NLGN4Y: variants seen among roughly 807,000 people sequenced by gnomAD.
NLGN4Y encodes neuroligin-4, Y-linked.
NLGN4Y carries 4 observed loss-of-function variants against 8.4 expected under a neutral mutation model. That is an observed-to-expected ratio of 0.48 (90% confidence interval 0.23 to 1.09). The LOEUF is 1.09. Among genes scored for constraint, NLGN4Y ranks in the 50% least tolerant of loss-of-function variants. The pLI, the probability that NLGN4Y is intolerant of heterozygous loss-of-function variation, is 0.19. For synonymous variants in NLGN4Y, 35 were observed against 75.6 expected (o/e 0.46, Z 2.78); for missense variants, 90 against 192.3 (o/e 0.47, Z 3.15).
intron 2 of NLGN4Y, among the ~76,000 whole-genome samples, chrY:14,646,410 G>T (rs1012229357): frequency 2.9e-5 from 1 of 33,911 alleles, no homozygotes; most frequent in Non-Finnish European, 7.3e-5. Context: ...GAGCAGCAAT[G>T]CTGGACTAGG....
chrY:14,562,679 C>A, intron 1 of NLGN4Y, among the ~76,000 whole-genome samples: 3 of 33,699 alleles, frequency 8.9e-5, no homozygotes, highest in Admixed American at 5.5e-4. Flanking sequence ...TATCCTTTAG[C>A]ATGGAATGCT....
intron 4 of NLGN4Y, among the ~76,000 whole-genome samples, chrY:14,762,161 A>T: frequency 9.0e-5 from 3 of 33,475 alleles, no homozygotes; most frequent in African/African-American, 3.5e-4. Context: ...GTCTCCAAAA[A>T]TAAAAAATAA....
At chrY:14,652,555 G>GA (rs2080633113) in intron 2 of NLGN4Y, among the ~76,000 whole-genome samples, 1 of 32,622 alleles carries the variant, frequency 3.1e-5, no homozygotes, top group African/African-American at 1.2e-4. Context: ...TTCCTTTAAA[G>GA]ACTATTTGTT....
chrY:14,768,611 T>C (rs2081098673), intron 4 of NLGN4Y, among the ~76,000 whole-genome samples: 1 of 32,865 alleles, frequency 3.0e-5, no homozygotes, highest in African/African-American at 1.2e-4. Flanking sequence ...AAAAGCCGTA[T>C]AGCCCATGGT....
chrY:14,549,633 G>A (rs2080184805), intron 1 of NLGN4Y, among the ~76,000 whole-genome samples: 1 of 32,999 alleles, frequency 3.0e-5, no homozygotes. Context: ...CATTACTGAG[G>A]GCTAAAATGC....
chrY:14,776,486 A>G (rs942999293), intron 4 of NLGN4Y, among the ~76,000 whole-genome samples: 2 of 31,068 alleles, frequency 6.4e-5, no homozygotes, highest in East Asian at 1.6e-3. Context: ...AGAACATTTT[A>G]TTCATATTCC....
At chrY:14,679,011 T>A (rs2080759499) in intron 2 of NLGN4Y, among the ~76,000 whole-genome samples, 1 of 31,609 alleles carries the variant, frequency 3.2e-5, no homozygotes, top group African/African-American at 1.2e-4. Context: ...AGACAAGATC[T>A]CACTCTGTTG....
chrY:14,663,733 C>T (rs749471061), intron 2 of NLGN4Y, among the ~76,000 whole-genome samples: 98 of 32,132 alleles, frequency 3.0e-3, no homozygotes, highest in Non-Finnish European at 5.5e-3. Context: ...TCACTTGAAC[C>T]CGGGAGGCAG....
intron 2 of NLGN4Y, among the ~76,000 whole-genome samples, chrY:14,706,983 A>G: frequency 4.7e-5 from 1 of 21,085 alleles, no homozygotes; most frequent in South Asian, 1.2e-3. Context: ...ATACACACAT[A>G]TATACATATA....
intron 2 of NLGN4Y, among the ~76,000 whole-genome samples, chrY:14,661,175 A>T: frequency 8.8e-5 from 3 of 33,939 alleles, no homozygotes; most frequent in Non-Finnish European, 2.2e-4. Flanking sequence ...AAAGAATGGA[A>T]TCATGTCCTT....
intron 2 of NLGN4Y, among the ~76,000 whole-genome samples, chrY:14,669,077 A>C (rs2080701534): frequency 3.0e-5 from 1 of 33,622 alleles, no homozygotes; most frequent in Non-Finnish European, 7.3e-5. Flanking sequence ...AATGTCATTC[A>C]AAATGTGATA....
intron 4 of NLGN4Y, among the ~76,000 whole-genome samples, chrY:14,798,951 T>C: frequency 2.9e-5 from 1 of 34,025 alleles, no homozygotes; most frequent in African/African-American, 1.2e-4. Context: ...AGGCTTCTTA[T>C]TTGAAATGTG....
intron 1 of NLGN4Y, among the ~76,000 whole-genome samples, chrY:14,597,089 C>T (rs1049547024): frequency 1.3e-4 from 4 of 31,757 alleles, no homozygotes; most frequent in Non-Finnish European, 3.0e-4. Flanking sequence ...CTGGTGGGTT[C>T]GTGGTCTCGC....
intron 2 of NLGN4Y, among the ~76,000 whole-genome samples, chrY:14,647,666 T>C: frequency 2.9e-5 from 1 of 34,086 alleles, no homozygotes; most frequent in East Asian, 7.8e-4. Context: ...AAGAAAGTTC[T>C]TTTATATACA....
intron 2 of NLGN4Y, among the ~76,000 whole-genome samples, chrY:14,649,301 G>A (rs1052575264): frequency 3.0e-5 from 1 of 33,378 alleles, no homozygotes; most frequent in Non-Finnish European, 7.4e-5. Flanking sequence ...TTAATGAAAA[G>A]CAATCATACA....
At chrY:14,636,244 T>C (rs2080565134) in intron 2 of NLGN4Y, among the ~76,000 whole-genome samples, 1 of 33,820 alleles carries the variant, frequency 3.0e-5, no homozygotes, top group Non-Finnish European at 7.3e-5. Context: ...TTTTTCTACT[T>C]AGCAGACTAT....
At position 14,838,227 on chromosome Y, in the gene NLGN4Y, C is replaced by T. The variant is rs893010552; in HGVS notation, c.1662-2186C>T. The stretch of plus-strand genomic sequence containing the variant: ...TGCATAACAAATAAAAAGCAGTAGA[C>T]TTTTCAAATATATTTTTTATGAATA... On this transcript the variant is annotated intron_variant, in intron 6 of 6. Transcript: ENST00000684976. Among the ~76,000 whole-genome samples, 88 of 33,411 alleles carry T rather than the reference C, an allele frequency of 2.6e-3. No individual in the cohort carries two copies. In the East Asian group the frequency reaches 0.068, roughly 26 times the overall value. 89.6% of individuals were successfully genotyped at this position (33,411 alleles called of 37,273 possible). A position where few individuals can be genotyped will look rare whatever the true frequency, so the allele number is the denominator to read the frequency against.
At chrY:14,657,586 G>C (rs1017813552) in intron 2 of NLGN4Y, among the ~76,000 whole-genome samples, 1 of 33,007 alleles carries the variant, frequency 3.0e-5, no homozygotes, top group Non-Finnish European at 7.4e-5. Context: ...TTGATCCCAT[G>C]GATGAGGTGA....
At chrY:14,566,829 C>G (rs2080253908) in intron 1 of NLGN4Y, among the ~76,000 whole-genome samples, 1 of 33,337 alleles carries the variant, frequency 3.0e-5, no homozygotes, top group Non-Finnish European at 7.4e-5. Flanking sequence ...ACATTCTTCT[C>G]AGCACCACAT....
Sources: gnomAD v4.1 joint callset for allele counts (sites outside exome capture counted in the v4.1 genomes callset) on GRCh38, gnomAD v4.1.1 for gene constraint, MANE v1.5 for transcripts, NCBI Gene and HGNC (gene_info 2026-07-23, HGNC 2026-07-21) for gene names.